GPR39: variants seen among roughly 807,000 people sequenced by gnomAD.
GPR39 encodes the protein G protein-coupled receptor 39.
GPR39 carries 23 observed loss-of-function variants against 18.4 expected under a neutral mutation model. The ratio of observed to expected loss-of-function variants is 1.25; its 90% CI spans 0.90 to 1.77. GPR39 has a LOEUF of 1.77. GPR39 is among the 40% of genes most tolerant of loss of function. The pLI is 0.00. For missense variants in GPR39, 647 were observed against 602.4 expected (o/e 1.07, Z -0.78); for synonymous variants, 280 against 257.9 (o/e 1.09, Z -0.82).
chr2:132,638,744 A>G (rs1019556033), intron 1 of GPR39, among the ~76,000 whole-genome samples: 6 of 152,210 alleles, frequency 3.9e-5, no homozygotes, highest in African/African-American at 1.4e-4. Flanking sequence ...CTCTTCATTC[A>G]ACTAACCATA....
At chr2:132,608,174 A>G (rs1412156359) in intron 1 of GPR39, among the ~76,000 whole-genome samples, 2 of 152,242 alleles carry the variant, frequency 1.3e-5, no homozygotes, top group African/African-American at 2.4e-5. Context: ...GATTTTCAAC[A>G]TTTGTTGTAA....
intron 1 of GPR39, among the ~76,000 whole-genome samples, chr2:132,608,701 G>C (rs1681184703): frequency 6.6e-6 from 1 of 152,190 alleles, no homozygotes; most frequent in Non-Finnish European, 1.5e-5. Flanking sequence ...TCAGTTCTCA[G>C]CCATTTCAGT....
intron 1 of GPR39, among the ~76,000 whole-genome samples, chr2:132,637,660 G>A (rs1332951076): frequency 6.6e-6 from 1 of 152,206 alleles, no homozygotes; most frequent in African/African-American, 2.4e-5. Flanking sequence ...AAAAGTGATT[G>A]CAAAGTTTCC....
At chr2:132,427,696 G>T (rs1680151979) in intron 1 of GPR39, among the ~76,000 whole-genome samples, 2 of 150,158 alleles carry the variant, frequency 1.3e-5, no homozygotes, top group Admixed American at 6.7e-5. Flanking sequence ...ACATTTGGAA[G>T]AGAAGGATGG....
intron 1 of GPR39, among the ~76,000 whole-genome samples, chr2:132,520,054 C>T (rs895594194): frequency 6.6e-6 from 1 of 152,134 alleles, no homozygotes; most frequent in Non-Finnish European, 1.5e-5. Flanking sequence ...ATTTCCTTCT[C>T]TTCCCTTCCT....
intron 1 of GPR39, among the ~76,000 whole-genome samples, chr2:132,487,570 C>T (rs1442227191): frequency 6.6e-6 from 1 of 152,010 alleles, no homozygotes; most frequent in Non-Finnish European, 1.5e-5. Context: ...GAATATGATG[C>T]TTTAAATGAT....
intron 1 of GPR39, among the ~76,000 whole-genome samples, chr2:132,431,883 GTTC>G (rs757411786): frequency 2.0e-5 from 3 of 152,218 alleles, no homozygotes; most frequent in Non-Finnish European, 2.9e-5. Context: ...TTTTCTCACA[GTTC>G]TGGAGGCCAG....
chr2:132,568,016 C>A (rs1558842720), intron 1 of GPR39, among the ~76,000 whole-genome samples: 1 of 152,080 alleles, frequency 6.6e-6, no homozygotes, highest in Non-Finnish European at 1.5e-5. Context: ...ATTGCCCAGT[C>A]TCAGATTTGT....
intron 1 of GPR39, among the ~76,000 whole-genome samples, chr2:132,487,921 CAT>C (rs979934742): frequency 6.6e-6 from 1 of 152,134 alleles, no homozygotes; most frequent in African/African-American, 2.4e-5. Context: ...TTTCAGGAAA[CAT>C]ATTTAATCTC....
intron 1 of GPR39, among the ~76,000 whole-genome samples, chr2:132,497,177 G>C (rs1191055497): frequency 1.3e-5 from 2 of 152,150 alleles, no homozygotes. Context: ...TGCAGAGTGT[G>C]AGCCACACAA....
chr2:132,535,708 G>GTTTT (rs1679743745), intron 1 of GPR39, among the ~76,000 whole-genome samples: 1 of 46,732 alleles, frequency 2.1e-5, no homozygotes, highest in African/African-American at 9.4e-5. Flanking sequence ...TTTTTTTTTG[G>GTTTT]TTGGTAGGCT....
chr2:132,446,559 G>A (rs1000461775), intron 1 of GPR39, among the ~76,000 whole-genome samples: 11 of 152,192 alleles, frequency 7.2e-5, no homozygotes, highest in Admixed American at 2.0e-4. Flanking sequence ...GCTTGGTGAC[G>A]CTAGAATTCC....
intron 1 of GPR39, chr2:132,433,943 G>A (rs1028735019): frequency 1.3e-5 from 2 of 151,800 alleles, no homozygotes; most frequent in African/African-American, 4.8e-5. Flanking sequence ...TGAAGGTGAA[G>A]GGCCTAAAGC....
chr2:132,625,933 C>G (rs984368433), intron 1 of GPR39, among the ~76,000 whole-genome samples: 11 of 151,978 alleles, frequency 7.2e-5, no homozygotes, highest in African/African-American at 2.7e-4. Flanking sequence ...AACCCTGTCT[C>G]TAGTAAAAAT....
intron 1 of GPR39, among the ~76,000 whole-genome samples, chr2:132,451,174 T>TGC (rs10642757): frequency 1.7e-4 from 26 of 150,354 alleles, no homozygotes; most frequent in African/African-American, 4.4e-4. Context: ...TGTGTGTGTG[T>TGC]GCACGCGCGT....
chr2:132,428,048 C>A (rs895981156), intron 1 of GPR39, among the ~76,000 whole-genome samples: 2 of 150,994 alleles, frequency 1.3e-5, no homozygotes, highest in East Asian at 1.9e-4. Context: ...ATAGGGGTGA[C>A]AAATGAGTCA....
chr2:132,568,665 C>T (rs1680392552), intron 1 of GPR39, among the ~76,000 whole-genome samples: 1 of 152,040 alleles, frequency 6.6e-6, no homozygotes, highest in African/African-American at 2.4e-5. Flanking sequence ...GAGATTGTGT[C>T]ACTGCACTCC....
At chr2:132,622,636 T>TC (rs2104861218) in intron 1 of GPR39, among the ~76,000 whole-genome samples, 1 of 152,326 alleles carries the variant, frequency 6.6e-6, no homozygotes, top group African/African-American at 2.4e-5. Context: ...AGCAGAAGCT[T>TC]ACAAGTCATA....
intron 1 of GPR39, among the ~76,000 whole-genome samples, chr2:132,478,068 C>A (rs1475709372): frequency 3.9e-5 from 6 of 152,150 alleles, no homozygotes; most frequent in African/African-American, 1.4e-4. Flanking sequence ...ACATAATCAC[C>A]AACTATTTGA....
Sources: gnomAD v4.1 joint callset for allele counts (sites outside exome capture counted in the v4.1 genomes callset) on GRCh38, gnomAD v4.1.1 for gene constraint, MANE v1.5 for transcripts, NCBI Gene and HGNC (gene_info 2026-07-23, HGNC 2026-07-21) for gene names.